ATP10B: variants seen among roughly 807,000 people sequenced by gnomAD.
The protein encoded by ATP10B is ATPase phospholipid transporting 10B (putative).
A neutral mutation model predicts 141.2 loss-of-function variants in ATP10B; 122 were observed. The ratio of observed to expected loss-of-function variants is 0.86; its 90% CI spans 0.75 to 1.00. The LOEUF (loss-of-function observed/expected upper bound fraction) is 1.00, where lower values mean the gene tolerates loss of function less well. Ranked by LOEUF, ATP10B falls within the 50% of genes least tolerant of loss-of-function variation. ATP10B has a pLI of 0.00. For synonymous variants in ATP10B, 685 were observed against 692.0 expected, an observed-to-expected ratio of 0.99 and a Z score of 0.16; for missense variants, 1,876 against 1,825.3, an observed-to-expected ratio of 1.03 and a Z score of -0.51.
intron 25 of ATP10B, among the ~76,000 whole-genome samples, chr5:160,566,495 TAAAG>T (rs1581122993): frequency 6.6e-6 from 1 of 152,160 alleles, no homozygotes; most frequent in South Asian, 2.1e-4. Context: ...ATTTGCCAGA[TAAAG>T]AAATAGGGGC....
intron 2 of ATP10B, among the ~76,000 whole-genome samples, chr5:160,729,645 T>C (rs1019257605): frequency 2.0e-5 from 3 of 152,190 alleles, no homozygotes; most frequent in South Asian, 2.1e-4. Context: ...GGAGGTTTTA[T>C]TGGACTCGAA....
At chr5:160,668,658 G>A (rs1439223363) in intron 7 of ATP10B, among the ~76,000 whole-genome samples, 1 of 152,218 alleles carries the variant, frequency 6.6e-6, no homozygotes, top group African/African-American at 2.4e-5. Flanking sequence ...GATCTACAGT[G>A]AGTGGTGGTG....
the ATP10B span, among the ~76,000 whole-genome samples, chr5:160,883,304 T>A: frequency 2.6e-5 from 4 of 152,198 alleles, no homozygotes; most frequent in African/African-American, 7.2e-5. Context: ...TCAGCCCATC[T>A]GTATATGGTT....
At chr5:160,811,682 A>G (rs1436769075) in intron 1 of ATP10B, among the ~76,000 whole-genome samples, 3 of 152,184 alleles carry the variant, frequency 2.0e-5, no homozygotes, top group African/African-American at 7.2e-5. Flanking sequence ...GCAATACAGC[A>G]GAACACCAGG....
At chr5:160,684,058 A>G (rs552356600) in intron 6 of ATP10B, among the ~76,000 whole-genome samples, 2 of 152,336 alleles carry the variant, frequency 1.3e-5, no homozygotes, top group Admixed American at 6.5e-5. Flanking sequence ...CCTAAAAAAT[A>G]TTGCATCTCT....
chr5:160,828,060 C>A (rs1044658832), intron 1 of ATP10B, among the ~76,000 whole-genome samples: 10 of 152,128 alleles, frequency 6.6e-5, no homozygotes, highest in Admixed American at 4.6e-4. Context: ...AAAATTAATT[C>A]AAGATGGATT....
At chr5:160,695,875 G>A (rs1466063367) in intron 3 of ATP10B, among the ~76,000 whole-genome samples, 2 of 151,958 alleles carry the variant, frequency 1.3e-5, no homozygotes, top group Non-Finnish European at 2.9e-5. Flanking sequence ...AGGACAAAAT[G>A]TGTAAATCGC....
the ATP10B span, among the ~76,000 whole-genome samples, chr5:160,928,533 C>A: frequency 1.3e-5 from 2 of 152,086 alleles, no homozygotes; most frequent in Non-Finnish European, 2.9e-5. Flanking sequence ...GATCAGTAAA[C>A]CCTCATTGGC....
intron 24 of ATP10B, among the ~76,000 whole-genome samples, chr5:160,573,657 C>CT (rs1378027750): frequency 6.6e-6 from 1 of 152,144 alleles, no homozygotes; most frequent in Non-Finnish European, 1.5e-5. Context: ...TTGCATGCTC[C>CT]TTATGAGACT....
intron 7 of ATP10B, among the ~76,000 whole-genome samples, chr5:160,666,973 T>C (rs983094339): frequency 5.9e-5 from 9 of 151,886 alleles, no homozygotes; most frequent in Admixed American, 2.6e-4. Context: ...AATTCCAGCA[T>C]TTTGGGAGGC....
chr5:160,774,053 TC>T (rs1180777139), intron 2 of ATP10B, among the ~76,000 whole-genome samples: 2 of 152,214 alleles, frequency 1.3e-5, no homozygotes, highest in African/African-American at 4.8e-5. Flanking sequence ...TTTAGTGTTT[TC>T]CTCTGCAGGT....
the ATP10B span, among the ~76,000 whole-genome samples, chr5:160,905,621 G>C: frequency 6.6e-6 from 1 of 152,170 alleles, no homozygotes; most frequent in African/African-American, 2.4e-5. Flanking sequence ...TGCATGGTGG[G>C]CTTGTTGTAA....
intron 1 of ATP10B, among the ~76,000 whole-genome samples, chr5:160,801,122 G>A (rs1004975238): frequency 6.6e-6 from 1 of 152,100 alleles, no homozygotes; most frequent in Non-Finnish European, 1.5e-5. Flanking sequence ...ATCCACTAAC[G>A]ATGTATTCAT....
the ATP10B span, among the ~76,000 whole-genome samples, chr5:160,916,706 A>G: frequency 6.6e-6 from 1 of 152,226 alleles, no homozygotes; most frequent in Non-Finnish European, 1.5e-5. Context: ...ATTTAAACCC[A>G]GGCAGTTGGG....
At chr5:160,590,951 C>CAGAGG in intron 23 of ATP10B, 108 bp downstream of exon 23, 1 of 881,848 alleles carries the variant, frequency 1.1e-6, no homozygotes, top group South Asian at 1.6e-5. Context: ...CCTGTTTGAG[C>CAGAGG]CTCTGCTCTA....
chr5:160,603,734 A>T (rs905736199), intron 20 of ATP10B: 5 of 514,386 alleles, frequency 9.7e-6, no homozygotes, highest in Non-Finnish European at 1.4e-5. Context: ...TTAAATGGGA[A>T]AATTTAGCAG....
chr5:160,827,274 T>C (rs1774685382), intron 1 of ATP10B, among the ~76,000 whole-genome samples: 1 of 152,208 alleles, frequency 6.6e-6, no homozygotes, highest in South Asian at 2.1e-4. Context: ...GTTGAAATAT[T>C]GGGGGCAGGT....
the ATP10B span, among the ~76,000 whole-genome samples, chr5:160,863,250 T>C: frequency 0.029 from 4,374 of 152,022 alleles, 172 homozygotes; most frequent in South Asian, 0.17. Flanking sequence ...AGCCTGTTAA[T>C]TGAATGGTTG....
At chr5:160,750,578 T>C (rs1768086745) in intron 2 of ATP10B, among the ~76,000 whole-genome samples, 1 of 151,902 alleles carries the variant, frequency 6.6e-6, no homozygotes, top group Non-Finnish European at 1.5e-5. Context: ...TGTTTCACTT[T>C]AGAATGTCCC....
Sources: gnomAD v4.1 joint callset for allele counts (sites outside exome capture counted in the v4.1 genomes callset) on GRCh38, gnomAD v4.1.1 for gene constraint, MANE v1.5 for transcripts, NCBI Gene and HGNC (gene_info 2026-07-23, HGNC 2026-07-21) for gene names.